Variants in UPP2 observed in about 807,000 individuals in gnomAD.
The protein encoded by UPP2 is uridine phosphorylase 2, also known as UPase 2.
UPP2 carries 23 observed loss-of-function variants against 26.7 expected under a neutral mutation model. That is an observed-to-expected ratio of 0.86 (90% confidence interval 0.62 to 1.22). The LOEUF (loss-of-function observed/expected upper bound fraction) is 1.22, where lower values mean the gene tolerates loss of function less well. Ranked by LOEUF, UPP2 falls within the 50% of genes most tolerant of loss-of-function variation. The pLI is 0.00. For synonymous variants in UPP2, 127 were observed against 141.3 expected, an observed-to-expected ratio of 0.90 and a Z score of 0.72; for missense variants, 387 against 396.7, an observed-to-expected ratio of 0.98 and a Z score of 0.21.
Position 158,121,438 on chromosome 2 carries a change from G to A in UPP2, c.484G>A (p.Asp162Asn), listed in dbSNP as rs769538423. The A allele has an allele frequency of 6.2e-7, 1 of 1,613,254 alleles. No homozygotes were observed. Among genetic ancestry groups the A allele is most frequent in the South Asian group, 1.1e-5 (1 of 91,060 alleles). Residue 162 changes from aspartate (D) to asparagine (N), a missense_variant, in exon 5 of 7, where the codon GAT becomes AAT. Asp to Asn is a conservative substitution (Grantham distance 23). Transcript: ENST00000005756. ...GIAPGTVVITDIAVDSFFKPR... is the reference protein window; with the variant it reads ...GIAPGTVVITNIAVDSFFKPR... ...TGCACCAGGGACTGTTGTAATAACG[G>A]ATATAGCTGTAGACTCCTTCTTTAA...
chr2:158,020,865 A>G (rs1248830240), intron 3 of UPP2, among the ~76,000 whole-genome samples: 1 of 152,244 alleles, frequency 6.6e-6, no homozygotes, highest in African/African-American at 2.4e-5. Context: ...CCAATTTTTG[A>G]TAGAGACATA....
intron 3 of UPP2, among the ~76,000 whole-genome samples, chr2:158,025,983 G>A (rs181624356): frequency 2.0e-5 from 3 of 152,208 alleles, no homozygotes; most frequent in Admixed American, 1.3e-4. Context: ...GGACATAATC[G>A]AGGGAGGCAA....
chr2:158,073,769 A>G (rs1350688864), intron 3 of UPP2, among the ~76,000 whole-genome samples: 4 of 152,208 alleles, frequency 2.6e-5, no homozygotes, highest in Non-Finnish European at 5.9e-5. Context: ...AGAAATAAAG[A>G]CTTTCCTAGA....
chr2:158,058,397 TCTCTCTCTCTCTCC>T lies in UPP2; in HGVS notation c.147+42513_147+42526del, dbSNP rs1444825516. Among the ~76,000 whole-genome samples the T allele has an allele frequency of 4.0e-3, 434 of 108,148 alleles. 1 individual carries two copies. The highest frequency in any genetic ancestry group is 0.015 in the African/African-American group (396 of 25,932). The allele number at this position is 108,148 out of a possible 152,430, so 70.9% of individuals were successfully genotyped here. On this transcript the variant is annotated intron_variant, in intron 3 of 9. Coordinates refer to the UPP2 transcript ENST00000605860. ...TGCTCTCTCTCTCTCTCTCTCTCTC[TCTCTCTCTCTCTCC>T]CCCCAACCTGTGTGTGTGTGTGTGT...
chr2:158,133,600 T>G (rs1452797795), intron 6 of UPP2: 1 of 152,210 alleles, frequency 6.6e-6, no homozygotes, highest in African/African-American at 2.4e-5. Flanking sequence ...TATACATATA[T>G]CAAAACATCA....
intron 2 of UPP2, among the ~76,000 whole-genome samples, chr2:158,109,517 T>C (rs1201487075): frequency 1.3e-5 from 2 of 152,198 alleles, no homozygotes; most frequent in East Asian, 3.8e-4. Flanking sequence ...TTTCCCAGTG[T>C]GTCAACACCT....
At chr2:158,089,232 T>C (rs1168573018) in intron 3 of UPP2, among the ~76,000 whole-genome samples, 1 of 152,094 alleles carries the variant, frequency 6.6e-6, no homozygotes, top group African/African-American at 2.4e-5. Flanking sequence ...GTTGCCTTTG[T>C]GCATCATGTA....
At chr2:158,089,748 C>A (rs78519922) in intron 3 of UPP2, among the ~76,000 whole-genome samples, 1,802 of 152,330 alleles carry the variant, frequency 0.012, 41 homozygotes, top group African/African-American at 0.04. Context: ...AAGGTCAAAT[C>A]CTTCTCCTGT....
chr2:158,026,721 C>G (rs1379665802), intron 3 of UPP2, among the ~76,000 whole-genome samples: 2 of 152,130 alleles, frequency 1.3e-5, no homozygotes, highest in Non-Finnish European at 2.9e-5. Flanking sequence ...TAAAATATAA[C>G]AGGCAAGCAG....
chr2:158,011,316 G>C (rs1486033878), intron 2 of UPP2, among the ~76,000 whole-genome samples: 16 of 152,200 alleles, frequency 1.1e-4, no homozygotes, highest in Non-Finnish European at 2.2e-4. Context: ...ACAGGGTTCT[G>C]AATGCCAGCA....
In UPP2 at chr2:158,041,016, A is replaced by G. The variant is rs143211975; in HGVS notation, c.147+25130A>G. Among the ~76,000 whole-genome samples the G allele has an allele frequency of 2.5e-3, 374 of 152,276 alleles. 3 individuals carry two copies. Among genetic ancestry groups the G allele is most frequent in the African/African-American group, 7.4e-3 (307 of 41,554 alleles). ...GTTCAAATCACCTCCCAAGGCCTCA[A>G]TTTTCTTACTTGTAAAAATGGTGCT... On this transcript the variant is annotated intron_variant, in intron 3 of 9. Transcript: ENST00000605860.
chr2:158,058,125 C>G (rs561233813), intron 3 of UPP2, among the ~76,000 whole-genome samples: 1 of 151,998 alleles, frequency 6.6e-6, no homozygotes, highest in African/African-American at 2.4e-5. Flanking sequence ...AACTCCGTCT[C>G]TACTAAAAAT....
rs536366279 is a variant in UPP2 at position 158,027,108 on chromosome 2, A to T, written c.147+11222A>T. Reference sequence around the variant, plus strand: ...TATCATTCCACCCCGGCTCCTCCAAATCTCATGTCCTCACATTTCAAAACC... The same window carrying T: ...TATCATTCCACCCCGGCTCCTCCAATTCTCATGTCCTCACATTTCAAAACC... On this transcript the variant is annotated intron_variant, in intron 3 of 9. Transcript: ENST00000605860. Among the ~76,000 whole-genome samples the T allele has an allele frequency of 1.1e-4, 16 of 152,154 alleles. No homozygotes were observed. In the East Asian group the frequency reaches 2.7e-3, roughly 26 times the overall value.
At chr2:158,009,680 G>A (rs770990774) in intron 2 of UPP2, among the ~76,000 whole-genome samples, 20 of 152,162 alleles carry the variant, frequency 1.3e-4, no homozygotes, top group Non-Finnish European at 2.1e-4. Flanking sequence ...TTAGCGCAAC[G>A]CAGACTGGAC....
intron 3 of UPP2, among the ~76,000 whole-genome samples, chr2:158,054,491 T>A (rs896863808): frequency 6.6e-6 from 1 of 151,998 alleles, no homozygotes; most frequent in South Asian, 2.1e-4. Context: ...GGGCTTTGCA[T>A]ATTGAAAGTC....
upstream of UPP2, among the ~76,000 whole-genome samples, chr2:158,097,002 G>A (rs1017951487): frequency 3.9e-5 from 6 of 151,958 alleles, no homozygotes; most frequent in East Asian, 1.9e-4. Context: ...TTAATATTAA[G>A]TCTGGTAGAA....
chr2:157,999,988 T>G (rs1256858954), intron 2 of UPP2, among the ~76,000 whole-genome samples: 6 of 152,088 alleles, frequency 3.9e-5, no homozygotes, highest in Admixed American at 3.9e-4. Context: ...CAAAAGTTAT[T>G]AAAACTTTTC....
intron 3 of UPP2, among the ~76,000 whole-genome samples, chr2:158,043,562 T>C (rs1684109711): frequency 6.6e-6 from 1 of 152,174 alleles, no homozygotes; most frequent in African/African-American, 2.4e-5. Flanking sequence ...TAACAGAATC[T>C]GAATAAGCCT....
chr2:158,071,117 T>A (rs1464943110), intron 3 of UPP2, among the ~76,000 whole-genome samples: 1 of 152,194 alleles, frequency 6.6e-6, no homozygotes, highest in Non-Finnish European at 1.5e-5. Context: ...AAATACTGCA[T>A]TTCCTAGGCA....
Sources: allele counts gnomAD v4.1 joint callset (sites outside exome capture counted in the v4.1 genomes callset), GRCh38; gene constraint gnomAD v4.1.1; transcripts MANE v1.5; gene names NCBI Gene and HGNC (gene_info 2026-07-23, HGNC 2026-07-21).